TBC1D4: variants seen among roughly 807,000 people sequenced by gnomAD.
TBC1D4 encodes the protein TBC (Tre-2, BUB2, CDC16) domain-containing protein.
A neutral mutation model predicts 142.5 loss-of-function variants in TBC1D4; 121 were observed. The ratio of observed to expected loss-of-function variants is 0.85; its 90% CI spans 0.73 to 0.99. TBC1D4 has a LOEUF of 0.99. TBC1D4 is among the 50% of genes least tolerant of loss of function. The probability of loss-of-function intolerance (pLI) is 0.00; values close to 1 mark genes in which losing one functional copy is unlikely to be tolerated. For synonymous variants in TBC1D4, 630 were observed against 628.2 expected (o/e 1.00, Z -0.04); for missense variants, 1,475 against 1,606.6 (o/e 0.92, Z 1.40).
At chr13:75,360,990 A>G (rs981394287) in intron 2 of TBC1D4, among the ~76,000 whole-genome samples, 1 of 152,010 alleles carries the variant, frequency 6.6e-6, no homozygotes, top group African/African-American at 2.4e-5. Context: ...AAAGACAGTC[A>G]CTCTTTTCTT....
At chr13:75,369,002 C>T (rs1192552820) in intron 1 of TBC1D4, among the ~76,000 whole-genome samples, 2 of 151,464 alleles carry the variant, frequency 1.3e-5, no homozygotes, top group Admixed American at 1.3e-4. Flanking sequence ...AGAGATTGCA[C>T]CACTGCACTC....
rs143972169 is a variant in TBC1D4, at chr13:75,321,748, G to C, written c.2199-1711C>G. Among the ~76,000 whole-genome samples the C allele has an allele frequency of 5.8e-3, 884 of 152,174 alleles. 13 individuals are homozygous for C. The highest frequency in any genetic ancestry group is 0.02 in the African/African-American group (836 of 41,500). ...ACAATTAAAGACATGTATAATAATAGTGAAGACAGGACTCTTTTTGAAGCC... is the reference window on the plus strand; with the variant it reads ...ACAATTAAAGACATGTATAATAATACTGAAGACAGGACTCTTTTTGAAGCC... On this transcript the variant is annotated intron_variant, in intron 11 of 20. Coordinates refer to ENST00000377636, the MANE Select transcript of TBC1D4 (RefSeq NM_014832.5).
chr13:75,288,150 G>A (rs899749719), intron 20 of TBC1D4, among the ~76,000 whole-genome samples: 1 of 152,134 alleles, frequency 6.6e-6, no homozygotes, highest in African/African-American at 2.4e-5. Flanking sequence ...CCTGATGGCA[G>A]GAATGATGTA....
intron 1 of TBC1D4, among the ~76,000 whole-genome samples, chr13:75,457,744 A>G (rs1887796807): frequency 6.6e-6 from 1 of 152,154 alleles, no homozygotes. Context: ...TGCTCTAGAG[A>G]TTTAGTTTCT....
intron 9 of TBC1D4, among the ~76,000 whole-genome samples, chr13:75,326,777 C>CT (rs780460997): frequency 1.5e-4 from 23 of 152,168 alleles, no homozygotes; most frequent in Non-Finnish European, 2.8e-4. Context: ...CTGTACTTCT[C>CT]TCACTGTTGC....
chr13:75,332,618 T>C (rs1410189944), intron 8 of TBC1D4, among the ~76,000 whole-genome samples: 1 of 152,168 alleles, frequency 6.6e-6, no homozygotes, highest in Admixed American at 6.5e-5. Flanking sequence ...TCTGATTAAG[T>C]AGGTCTGGGG....
chr13:75,452,025 T>C (rs1887554010), intron 1 of TBC1D4, among the ~76,000 whole-genome samples: 1 of 152,118 alleles, frequency 6.6e-6, no homozygotes, highest in South Asian at 2.1e-4. Flanking sequence ...AAATTTCTTT[T>C]GGACCATATT....
intron 1 of TBC1D4, among the ~76,000 whole-genome samples, chr13:75,381,372 A>G (rs1883838364): frequency 6.6e-6 from 1 of 152,142 alleles, no homozygotes; most frequent in African/African-American, 2.4e-5. Flanking sequence ...CTGGCTTTTC[A>G]CCATCAGTTT....
At chr13:75,408,107 T>A (rs546386480) in intron 1 of TBC1D4, among the ~76,000 whole-genome samples, 1 of 152,160 alleles carries the variant, frequency 6.6e-6, no homozygotes, top group Non-Finnish European at 1.5e-5. Context: ...CAATCGCACC[T>A]CCATATCTGG....
At chr13:75,475,131 T>C (rs1005303145) in intron 1 of TBC1D4, among the ~76,000 whole-genome samples, 4 of 152,236 alleles carry the variant, frequency 2.6e-5, no homozygotes, top group African/African-American at 9.6e-5. Context: ...TCAGACAAAC[T>C]TGACAGTGCA....
At chr13:75,477,390 TAAG>T (rs1888666068) in intron 1 of TBC1D4, among the ~76,000 whole-genome samples, 1 of 152,332 alleles carries the variant, frequency 6.6e-6, no homozygotes, top group East Asian at 1.9e-4. Context: ...TTTTTAATCT[TAAG>T]AACACAATTT....
intron 1 of TBC1D4, among the ~76,000 whole-genome samples, chr13:75,478,987 C>G (rs1255321629): frequency 6.6e-6 from 1 of 152,126 alleles, no homozygotes; most frequent in African/African-American, 2.4e-5. Context: ...CTTTAAAATG[C>G]GGGGTCATAT....
intron 15 of TBC1D4, among the ~76,000 whole-genome samples, chr13:75,304,430 C>G (rs541577229): frequency 2.6e-4 from 39 of 152,102 alleles, no homozygotes; most frequent in Non-Finnish European, 4.7e-4. Flanking sequence ...ATTCATTCAT[C>G]TAGTAATGAG....
intron 9 of TBC1D4, 73 bp downstream of exon 9, chr13:75,327,679 G>T (rs1273374504): frequency 1.4e-5 from 19 of 1,320,048 alleles, no homozygotes; most frequent in Non-Finnish European, 2.0e-5. Context: ...ATAAAAAATG[G>T]AGCATGCATA....
In TBC1D4 at chr13:75,479,573, G is replaced by A. The variant is rs147594216; in HGVS notation, c.498+1697C>T. The stretch of plus-strand genomic sequence containing the variant: ...GACCATCAATGAGATTAGCAACAAT[G>A]TGTCATGCATCAGATGTCGCTGGGG... On this transcript the variant is annotated intron_variant, in intron 1 of 20. Coordinates refer to ENST00000377636, the MANE Select transcript of TBC1D4 (RefSeq NM_014832.5). Among the ~76,000 whole-genome samples, 17 of 152,158 alleles carry A rather than the reference G, an allele frequency of 1.1e-4. No homozygotes were observed. In the East Asian group the frequency reaches 3.3e-3, roughly 29 times the overall value.
In TBC1D4 at chr13:75,315,694, A is replaced by G. The variant is rs922359813; in HGVS notation, c.2223-2796T>C. ...TATCTACTGAATAAATTAATATTTT[A>G]TAAAACTAAATGAAATATTAACTCA... On this transcript the variant is annotated intron_variant, in intron 12 of 20. Transcript: ENST00000377636. 1.7e-4 allele frequency among the ~76,000 whole-genome samples: 26 copies of G among 152,184 alleles called. 1 individual carries two copies. Among genetic ancestry groups the G allele is most frequent in the African/African-American group, 6.0e-4 (25 of 41,462 alleles).
chr13:75,405,023 G>T (rs1885264709), intron 1 of TBC1D4, among the ~76,000 whole-genome samples: 1 of 152,088 alleles, frequency 6.6e-6, no homozygotes, highest in South Asian at 2.1e-4. Context: ...AACTATTTGG[G>T]TAGGGTTGCA....
intron 1 of TBC1D4, among the ~76,000 whole-genome samples, chr13:75,443,540 AC>A (rs1887141615): frequency 6.6e-6 from 1 of 152,212 alleles, no homozygotes; most frequent in South Asian, 2.1e-4. Flanking sequence ...CCTTCCAGGC[AC>A]CCTTCTAACG....
In TBC1D4 at chr13:75,313,031, G is replaced by T. The variant is rs1345997078; in HGVS notation, c.2223-133C>A. ...CAAGCCACAGGCAACATGGAGCAAT[G>T]CATCACCAGGCACACTAGTCACCCA... On this transcript the variant is annotated intron_variant, in intron 12 of 20. Transcript: ENST00000377636. 4 of 931,068 alleles carry T rather than the reference G, an allele frequency of 4.3e-6. No homozygotes were observed. In the Admixed American group the frequency reaches 6.0e-5, roughly 14 times the overall value. The allele number at this position is 931,068 out of a possible 1,614,324, so 57.7% of individuals were successfully genotyped here.
Sources: gnomAD v4.1 joint callset for allele counts (sites outside exome capture counted in the v4.1 genomes callset) on GRCh38, gnomAD v4.1.1 for gene constraint, MANE v1.5 for transcripts, NCBI Gene and HGNC (gene_info 2026-07-23, HGNC 2026-07-21) for gene names.